Variants in LYPLAL1 observed in about 807,000 individuals in gnomAD.
LYPLAL1 encodes lysophospholipase-like protein 1.
LYPLAL1 carries 23 observed loss-of-function variants against 19.7 expected under a neutral mutation model. That is an observed-to-expected ratio of 1.17 (90% CI 0.84 to 1.65). The LOEUF is 1.65. Ranked by LOEUF, LYPLAL1 falls within the 40% of genes most tolerant of loss-of-function variation. The probability of loss-of-function intolerance (pLI) is 0.00; values close to 1 mark genes in which losing one functional copy is unlikely to be tolerated. For missense variants in LYPLAL1, 355 were observed against 279.4 expected (o/e 1.27, Z -1.93); for synonymous variants, 119 against 96.3 (o/e 1.24, Z -1.38).
chr1:219,312,826 T>C, the LYPLAL1 span, among the ~76,000 whole-genome samples: 1 of 152,150 alleles, frequency 6.6e-6, no homozygotes, highest in African/African-American at 2.4e-5. Context: ...TCCTGGTCTA[T>C]TGGTGGGCCC....
At chr1:219,186,406 G>A (rs892779902) in intron 2 of LYPLAL1, among the ~76,000 whole-genome samples, 2 of 151,820 alleles carry the variant, frequency 1.3e-5, no homozygotes, top group African/African-American at 4.8e-5. Flanking sequence ...TAGTTGCCAA[G>A]GGATGGGTAT....
chr1:219,373,863 C>CAAAAAAAAA, the LYPLAL1 span, among the ~76,000 whole-genome samples: 86 of 102,180 alleles, frequency 8.4e-4, no homozygotes, highest in Non-Finnish European at 1.5e-3. Context: ...ATAAAATTGT[C>CAAAAAAAAA]AAAAAAAAAA....
the LYPLAL1 span, among the ~76,000 whole-genome samples, chr1:219,353,886 G>C: frequency 3.3e-5 from 5 of 151,746 alleles, no homozygotes; most frequent in Non-Finnish European, 7.4e-5. Context: ...AAATGTTTAA[G>C]AGCTAAATGA....
At chr1:219,335,066 C>CATTTCTGTATAT in the LYPLAL1 span, among the ~76,000 whole-genome samples, 1 of 151,950 alleles carries the variant, frequency 6.6e-6, no homozygotes, top group Non-Finnish European at 1.5e-5. Flanking sequence ...CCTCCATATA[C>CATTTCTGTATAT]AGAAAACTCT....
the LYPLAL1 span, among the ~76,000 whole-genome samples, chr1:219,252,191 C>A: frequency 3.3e-5 from 5 of 152,038 alleles, no homozygotes; most frequent in Admixed American, 6.6e-5. Context: ...TGGGCTGAGA[C>A]TATGGGATCT....
At chr1:219,261,676 G>A in the LYPLAL1 span, among the ~76,000 whole-genome samples, 1 of 152,160 alleles carries the variant, frequency 6.6e-6, no homozygotes, top group South Asian at 2.1e-4. Context: ...TTTGTTTGAG[G>A]AGACTGAAGA....
chr1:219,248,625 A>T, the LYPLAL1 span, among the ~76,000 whole-genome samples: 1 of 152,116 alleles, frequency 6.6e-6, no homozygotes, highest in South Asian at 2.1e-4. Flanking sequence ...ATTGTTGGTA[A>T]CGATTATTTC....
the LYPLAL1 span, among the ~76,000 whole-genome samples, chr1:219,331,582 A>G: frequency 6.6e-6 from 1 of 152,216 alleles, no homozygotes; most frequent in Non-Finnish European, 1.5e-5. Flanking sequence ...GGCAACTGTC[A>G]TTTATGCACA....
chr1:219,379,312 G>A, the LYPLAL1 span, among the ~76,000 whole-genome samples: 1 of 152,182 alleles, frequency 6.6e-6, no homozygotes. Context: ...TTGGGGTCGA[G>A]GAGGGAAAGG....
At chr1:219,294,080 A>T in the LYPLAL1 span, among the ~76,000 whole-genome samples, 6 of 152,186 alleles carry the variant, frequency 3.9e-5, no homozygotes, top group Non-Finnish European at 7.3e-5. Flanking sequence ...GAAATGGAAA[A>T]TTTGCTGGAG....
chr1:219,398,999 G>T, the LYPLAL1 span, among the ~76,000 whole-genome samples: 2 of 152,214 alleles, frequency 1.3e-5, no homozygotes, highest in African/African-American at 2.4e-5. Flanking sequence ...ATTTCATAGT[G>T]CAGTGACAGT....
At chr1:219,330,568 A>G in the LYPLAL1 span, among the ~76,000 whole-genome samples, 1 of 152,232 alleles carries the variant, frequency 6.6e-6, no homozygotes, top group Non-Finnish European at 1.5e-5. Context: ...ATGCTTTTAT[A>G]TGATTGATAT....
the LYPLAL1 span, among the ~76,000 whole-genome samples, chr1:219,255,734 A>G: frequency 1.3e-5 from 2 of 151,988 alleles, no homozygotes; most frequent in African/African-American, 2.4e-5. Context: ...TATGTTGTAG[A>G]TACCCTTTAT....
At chr1:219,430,786 G>T in the LYPLAL1 span, among the ~76,000 whole-genome samples, 1 of 152,144 alleles carries the variant, frequency 6.6e-6, no homozygotes, top group Non-Finnish European at 1.5e-5. Context: ...GGACATCATA[G>T]TTCCACTCTG....
chr1:219,397,787 G>T, the LYPLAL1 span, among the ~76,000 whole-genome samples: 3 of 152,140 alleles, frequency 2.0e-5, no homozygotes, highest in Non-Finnish European at 2.9e-5. Flanking sequence ...GTTTGAAAAG[G>T]ATTTTATTTC....
chr1:219,246,559 C>G, the LYPLAL1 span, among the ~76,000 whole-genome samples: 2 of 152,148 alleles, frequency 1.3e-5, no homozygotes, highest in Non-Finnish European at 2.9e-5. Context: ...CAAGCAAATG[C>G]CCCGTTTACA....
chr1:219,268,501 G>A, the LYPLAL1 span, among the ~76,000 whole-genome samples: 1 of 152,322 alleles, frequency 6.6e-6, no homozygotes, highest in Non-Finnish European at 1.5e-5. Context: ...AAGTCAGAAA[G>A]GTAATGAAGG....
At chr1:219,213,598 G>A (rs1012331895), downstream of LYPLAL1, among the ~76,000 whole-genome samples, 8 of 151,828 alleles carry the variant, frequency 5.3e-5, no homozygotes, top group South Asian at 4.1e-4. Context: ...TTTTATCAGC[G>A]TTTTTGAGGC....
chr1:219,291,112 C>A, the LYPLAL1 span, among the ~76,000 whole-genome samples: 1 of 152,118 alleles, frequency 6.6e-6, no homozygotes, highest in Non-Finnish European at 1.5e-5. Context: ...TAAAATAACA[C>A]TTGGTATATA....
Sources: gnomAD v4.1 joint callset for allele counts (sites outside exome capture counted in the v4.1 genomes callset) on GRCh38, gnomAD v4.1.1 for gene constraint, MANE v1.5 for transcripts, NCBI Gene and HGNC (gene_info 2026-07-23, HGNC 2026-07-21) for gene names.